The following DLGAP2 variants were observed in gnomAD, a reference collection of about 807,000 sequenced individuals.
DLGAP2 encodes DLG associated protein 2.
A neutral mutation model predicts 100.3 loss-of-function variants in DLGAP2; 26 were observed. The observed-to-expected ratio is 0.26, with a 90% CI of 0.19 to 0.36. The LOEUF (loss-of-function observed/expected upper bound fraction) is 0.36, where lower values mean the gene tolerates loss of function less well. Among genes scored for constraint, DLGAP2 ranks in the 10% least tolerant of loss-of-function variants. DLGAP2 has a pLI of 1.00. For missense variants in DLGAP2, 1,858 were observed against 1,453.2 expected, an observed-to-expected ratio of 1.28 and a Z score of -4.53; for synonymous variants, 886 against 630.1, an observed-to-expected ratio of 1.41 and a Z score of -6.08.
intron 1 of DLGAP2, among the ~76,000 whole-genome samples, chr8:763,066 GAAAAA>G (rs953943458): frequency 1.4e-5 from 2 of 143,460 alleles, no homozygotes; most frequent in East Asian, 4.0e-4. Flanking sequence ...AGGGATTGGA[GAAAAA>G]AAAAAAGGGA....
At chr8:1,191,939 T>A (rs1444972314) in intron 2 of DLGAP2, among the ~76,000 whole-genome samples, 1 of 152,198 alleles carries the variant, frequency 6.6e-6, no homozygotes, top group Admixed American at 6.5e-5. Context: ...ACGGCCATTG[T>A]TTTCTCATGT....
At chr8:1,191,513 T>C (rs1167810057) in intron 2 of DLGAP2, among the ~76,000 whole-genome samples, 1 of 152,210 alleles carries the variant, frequency 6.6e-6, no homozygotes, top group African/African-American at 2.4e-5. Context: ...CTGTCTAAAG[T>C]ACTAAGTAAA....
chr8:1,273,256 G>A (rs557369371), intron 3 of DLGAP2, among the ~76,000 whole-genome samples: 1 of 147,846 alleles, frequency 6.8e-6, no homozygotes, highest in East Asian at 2.0e-4. Flanking sequence ...CTTGGGTGTG[G>A]AAAGAGGTGG....
chr8:1,030,741 C>T (rs377355121), intron 2 of DLGAP2, among the ~76,000 whole-genome samples: 1 of 152,164 alleles, frequency 6.6e-6, no homozygotes, highest in East Asian at 1.9e-4. Flanking sequence ...TCCTCAGATG[C>T]CAGAATGCTT....
At chr8:1,256,797 C>G (rs992756164) in intron 2 of DLGAP2, among the ~76,000 whole-genome samples, 1 of 152,174 alleles carries the variant, frequency 6.6e-6, no homozygotes, top group Non-Finnish European at 1.5e-5. Context: ...ACCTGAGGGT[C>G]TGCTTCAGTG....
intron 3 of DLGAP2, among the ~76,000 whole-genome samples, chr8:1,491,359 C>CCCCTGACCCCAGAGGCTTCGGGCCGCTCG (rs1799380980): frequency 2.0e-5 from 3 of 152,136 alleles, no homozygotes; most frequent in Non-Finnish European, 2.9e-5. Flanking sequence ...CGGGCCGCTC[C>CCCCTGACCCCAGAGGCTTCGGGCCGCTCG]CCCTGACCCC....
At chr8:758,444 G>A (rs1364942552) in intron 1 of DLGAP2, among the ~76,000 whole-genome samples, 2 of 152,238 alleles carry the variant, frequency 1.3e-5, no homozygotes, top group East Asian at 3.9e-4. Flanking sequence ...TTTGCGTATA[G>A]TTTACAAATC....
intron 3 of DLGAP2, among the ~76,000 whole-genome samples, 198 bp downstream of exon 3, chr8:1,259,081 C>T (rs1399896561): frequency 6.6e-6 from 1 of 152,246 alleles, no homozygotes; most frequent in African/African-American, 2.4e-5. Context: ...CAGCTCGTCT[C>T]TGAAGAAGAA....
intron 4 of DLGAP2, 59 bp downstream of exon 4, chr8:1,501,490 G>C (rs139927509): frequency 2.7e-6 from 4 of 1,493,884 alleles, no homozygotes; most frequent in East Asian, 2.5e-5. Flanking sequence ...GGCATGCTCC[G>C]GGCACCTCCC....
chr8:1,600,943 A>T (rs1796604967), intron 6 of DLGAP2, among the ~76,000 whole-genome samples: 1 of 152,164 alleles, frequency 6.6e-6, no homozygotes, highest in South Asian at 2.1e-4. Flanking sequence ...TTTGGAGGAG[A>T]AGAGGCTTTC....
At chr8:1,008,186 G>GCTTTA (rs1801176182) in intron 2 of DLGAP2, among the ~76,000 whole-genome samples, 2 of 152,148 alleles carry the variant, frequency 1.3e-5, no homozygotes, top group Admixed American at 1.3e-4. Flanking sequence ...AACATTCAAG[G>GCTTTA]TCAAGATCTT....
At chr8:1,027,102 G>A (rs919584883) in intron 2 of DLGAP2, among the ~76,000 whole-genome samples, 1 of 152,030 alleles carries the variant, frequency 6.6e-6, no homozygotes, top group Admixed American at 6.6e-5. Flanking sequence ...TTTAGGGAAG[G>A]GTTTTTTTTT....
At chr8:1,289,624 C>G (rs891842313) in intron 3 of DLGAP2, among the ~76,000 whole-genome samples, 1 of 152,176 alleles carries the variant, frequency 6.6e-6, no homozygotes, top group Non-Finnish European at 1.5e-5. Context: ...GCTGGCCTGG[C>G]TAGCGTTCCT....
chr8:879,049 AC>A (rs1337574182), intron 1 of DLGAP2, among the ~76,000 whole-genome samples: 1 of 152,224 alleles, frequency 6.6e-6, no homozygotes, highest in East Asian at 1.9e-4. Context: ...GCCAAAACCA[AC>A]TAGGTTGTGT....
rs148476632 is a variant in DLGAP2 at position 979,242 on chromosome 8, A to G, written c.73+71276A>G. On this transcript the variant is annotated intron_variant, in intron 2 of 14. Transcript: ENST00000637795. ...CTGATGGGATTATAATGACAAACTA[A>G]TAAAAACAGTAAGCAAATGGAGATT... Among the ~76,000 whole-genome samples the G allele has an allele frequency of 5.4e-3, 826 of 152,364 alleles. 7 individuals are homozygous for G. Among genetic ancestry groups the G allele is most frequent in the African/African-American group, 0.018 (739 of 41,586 alleles).
At chr8:1,335,396 A>G (rs997645929) in intron 3 of DLGAP2, among the ~76,000 whole-genome samples, 1 of 152,196 alleles carries the variant, frequency 6.6e-6, no homozygotes, top group Non-Finnish European at 1.5e-5. Flanking sequence ...ACACTCAGCA[A>G]CACATGAGTG....
intron 1 of DLGAP2, among the ~76,000 whole-genome samples, chr8:812,868 T>C (rs1443988261): frequency 6.6e-6 from 1 of 152,216 alleles, no homozygotes; most frequent in Non-Finnish European, 1.5e-5. Flanking sequence ...AATGCACCCA[T>C]AGTAAAATTC....
chr8:1,239,504 C>A, intron 2 of DLGAP2, among the ~76,000 whole-genome samples: 1 of 56,918 alleles, frequency 1.8e-5, no homozygotes, highest in East Asian at 5.1e-4. Context: ...CACAGAGCAT[C>A]GTGTCTAGTT....
chr8:1,604,220 C>A (rs114127882), intron 6 of DLGAP2, among the ~76,000 whole-genome samples: 1 of 152,160 alleles, frequency 6.6e-6, no homozygotes, highest in African/African-American at 2.4e-5. Flanking sequence ...GGAGAAGGGA[C>A]CTTGCTATAA....
Sources: gnomAD v4.1 joint callset for allele counts (sites outside exome capture counted in the v4.1 genomes callset) on GRCh38, gnomAD v4.1.1 for gene constraint, MANE v1.5 for transcripts, NCBI Gene and HGNC (gene_info 2026-07-23, HGNC 2026-07-21) for gene names.